The following ZNF391 variants were observed in gnomAD, a reference collection of about 807,000 sequenced individuals.
ZNF391 encodes zinc finger protein 391.
For synonymous variants in ZNF391, 126 were observed against 142.1 expected (o/e 0.89, Z 0.80); for missense variants, 375 against 425.5 (o/e 0.88, Z 1.04).
At chr6:27,387,939 T>G (rs1761610578), upstream of ZNF391, among the ~76,000 whole-genome samples, 1 of 152,386 alleles carries the variant, frequency 6.6e-6, no homozygotes, top group African/African-American at 2.4e-5. Flanking sequence ...AGACTTTATC[T>G]AATTCTTTCC....
intron 1 of ZNF391, among the ~76,000 whole-genome samples, chr6:27,381,236 G>A (rs896677640): frequency 9.2e-5 from 14 of 152,242 alleles, no homozygotes; most frequent in African/African-American, 3.1e-4. Context: ...AAGGCCCGGC[G>A]AGAAATCGAG....
At chr6:27,381,301 C>CTGGCCCGGGTGCTAAGCCCCTCA (rs1158418604) in intron 1 of ZNF391, among the ~76,000 whole-genome samples, 52 of 152,382 alleles carry the variant, frequency 3.4e-4, no homozygotes, top group African/African-American at 1.2e-3. Context: ...TCCGCAGCCG[C>CTGGCCCGGGTGCTAAGCCCCTCA]TGGCCCGGGT....
intron 1 of ZNF391, among the ~76,000 whole-genome samples, chr6:27,392,730 T>C (rs1183499501): frequency 6.6e-6 from 1 of 152,248 alleles, no homozygotes; most frequent in African/African-American, 2.4e-5. Flanking sequence ...TACAGGCCGC[T>C]AAACAGAAAG....
Position 27,400,987 on chromosome 6 carries a change from C to T in ZNF391, c.617C>T (p.Thr206Ile). 1 of 1,614,196 alleles carries T rather than the reference C, an allele frequency of 6.2e-7. No individual in the cohort carries two copies. The highest frequency in any genetic ancestry group is 8.5e-7 in the Non-Finnish European group (1 of 1,180,032). ...SECGKAFSRS[T>I]NLSQHQRTHT... The stretch of plus-strand genomic sequence containing the variant: ...TGTGGAAAAGCCTTTAGCCGAAGCA[C>T]TAACCTTAGTCAGCATCAGCGAACT... Residue 206 changes from threonine (T) to isoleucine (I), a missense_variant, in exon 3 of 3, where the codon ACT becomes ATT. Coordinates refer to ENST00000244576, the MANE Select transcript of ZNF391 (RefSeq NM_001076781.3).
chr6:27,391,489 A>T (rs72843151), intron 1 of ZNF391, among the ~76,000 whole-genome samples: 1 of 151,970 alleles, frequency 6.6e-6, no homozygotes. Context: ...CTTAATCCTT[A>T]GGGTTGCATT....
intron 1 of ZNF391, among the ~76,000 whole-genome samples, chr6:27,393,124 T>C (rs1043708717): frequency 6.6e-6 from 1 of 152,252 alleles, no homozygotes; most frequent in African/African-American, 2.4e-5. Flanking sequence ...GTTGTATATA[T>C]AATGAGCTTA....
In ZNF391 at chr6:27,400,613, T is replaced by C; in HGVS notation, c.243T>C (p.His81=). The C allele has an allele frequency of 1.2e-6, 2 of 1,614,174 alleles. No individual in the cohort carries two copies. Among genetic ancestry groups the C allele is most frequent in the Non-Finnish European group, 1.7e-6 (2 of 1,180,026 alleles). The part of the protein sequence containing the change: ...LDAQQKIPKG[H]GSPISRKNSK... ...CACAACAGAAAATTCCAAAGGGACA[T>C]GGATCCCCAATATCTAGGAAAAACT... Residue 81 remains histidine, a synonymous_variant, in exon 3 of 3, where the codon CAT becomes CAC. Coordinates refer to ENST00000244576, the MANE Select transcript of ZNF391 (RefSeq NM_001076781.3).
chr6:27,401,170 A>T lies in ZNF391; in HGVS notation c.800A>T (p.His267Leu), dbSNP rs755045859. ...AFSWISSLTE[H>L]QRTHTGENPY... ...AGTTGGATCTCATCGCTTACTGAAC[A>T]TCAGAGAACACACACTGGGGAGAAC... Residue 267 changes from histidine (H) to leucine (L), a missense_variant, in exon 3 of 3, where the codon CAT becomes CTT. Coordinates refer to ENST00000244576, the MANE Select transcript of ZNF391 (RefSeq NM_001076781.3). The T allele has an allele frequency of 6.2e-7, 1 of 1,614,242 alleles. No individual in the cohort carries two copies. The highest frequency in any genetic ancestry group is 1.1e-5 in the South Asian group (1 of 91,082).
chr6:27,377,430 G>A (rs576545306), intron 1 of ZNF391, among the ~76,000 whole-genome samples: 1 of 152,286 alleles, frequency 6.6e-6, no homozygotes, highest in East Asian at 1.9e-4. Context: ...GGGCAAACCT[G>A]CTTCCCATTC....
At chr6:27,383,790 G>A (rs1345016813), upstream of ZNF391, among the ~76,000 whole-genome samples, 1 of 152,064 alleles carries the variant, frequency 6.6e-6, no homozygotes, top group African/African-American at 2.4e-5. Flanking sequence ...CAAACATTTA[G>A]TCCAGAACAC....
chr6:27,375,423 A>G (rs1376997696), intron 1 of ZNF391, among the ~76,000 whole-genome samples: 1 of 152,232 alleles, frequency 6.6e-6, no homozygotes, highest in Non-Finnish European at 1.5e-5. Context: ...TGTATGCAGT[A>G]AAGTTCCTCT....
In ZNF391 at chr6:27,401,200, A is replaced by C; in HGVS notation, c.830A>C (p.Tyr277Ser). 6.2e-7 allele frequency: 1 copy of C among 1,614,186 alleles called. No homozygotes were observed. The highest frequency in any genetic ancestry group is 8.5e-7 in the Non-Finnish European group (1 of 1,180,012). Residue 277 changes from tyrosine to serine, a missense_variant, in exon 3 of 3, where the codon TAT (tyrosine) becomes TCT (serine). Tyr to Ser is a moderately radical substitution (Grantham distance 144). Transcript: ENST00000244576. ...AGAACACACACTGGGGAGAACCCCTATGAGTGCAGTGAATGTGGGAAAGTG... is the reference window on the plus strand; with the variant it reads ...AGAACACACACTGGGGAGAACCCCTCTGAGTGCAGTGAATGTGGGAAAGTG... The part of the protein sequence containing the change: ...HQRTHTGENP[Y>S]ECSECGKVFS...
At position 27,378,682 on chromosome 6, in the gene ZNF391, G is replaced by T. The variant is rs535147763; in HGVS notation, n.523+3545G>T. Among the ~76,000 whole-genome samples the T allele has an allele frequency of 5.3e-5, 8 of 152,274 alleles. No individual in the cohort carries two copies. The South Asian group carries it at 1.7e-3, about 32-fold the overall frequency. On this transcript the variant is annotated intron_variant and non_coding_transcript_variant, in intron 1 of 2. Coordinates refer to the ZNF391 transcript ENST00000477999. ...TATACGTGCAGGTCACAGGGGATGC[G>T]ATGGCTTAGCTTGGGCTCAGAGGCC...
chr6:27,398,815 C>T (rs931993751), intron 1 of ZNF391, among the ~76,000 whole-genome samples: 5 of 152,014 alleles, frequency 3.3e-5, no homozygotes, highest in East Asian at 1.9e-4. Flanking sequence ...GCCGAGATCG[C>T]GCCATTGCAC....
chr6:27,378,184 A>G (rs1421231515), intron 1 of ZNF391, among the ~76,000 whole-genome samples: 1 of 152,092 alleles, frequency 6.6e-6, no homozygotes, highest in Non-Finnish European at 1.5e-5. Context: ...CTGAGTAAAA[A>G]CCACCCCCAG....
intron 1 of ZNF391, chr6:27,395,118 A>G (rs889276638): frequency 6.6e-6 from 1 of 152,152 alleles, no homozygotes; most frequent in African/African-American, 2.4e-5. Flanking sequence ...GGGACTATTG[A>G]GCAGTCCCCT....
At position 27,401,076 on chromosome 6, in the gene ZNF391, A is replaced by C. The variant is rs756223541; in HGVS notation, c.706A>C (p.Ile236Leu). 4 of 1,614,170 alleles carry C rather than the reference A, an allele frequency of 2.5e-6. No homozygotes were observed. In the Admixed American group the frequency reaches 6.7e-5, roughly 27 times the overall value. The change falls in exon 3 of 3, where the codon ATA becomes CTA. Residue 236 changes from isoleucine to leucine, a missense_variant. Physicochemically the swap from Ile to Leu is conservative, Grantham distance 5. Coordinates refer to ENST00000244576, the MANE Select transcript of ZNF391 (RefSeq NM_001076781.3). ...GAAAGCCTTCGGTGACCGTTCAACC[A>C]TAATTCAGCATCAACGAATACACAC... ...CGKAFGDRST[I>L]IQHQRIHTGE...
intron 1 of ZNF391, among the ~76,000 whole-genome samples, chr6:27,389,892 A>G (rs71559025): frequency 0.27 from 40,804 of 151,944 alleles, 6,830 homozygotes; most frequent in East Asian, 0.43. Context: ...TGAATAAAGT[A>G]GTTGTTAATT....
intron 2 of ZNF391, 95 bp from the exon 3 acceptor site, chr6:27,400,198 C>T: frequency 1.8e-6 from 1 of 544,104 alleles, no homozygotes; most frequent in South Asian, 3.9e-5. Flanking sequence ...TGCTAGTATG[C>T]ATGAATTCAA....
Sources: allele counts gnomAD v4.1 joint callset (sites outside exome capture counted in the v4.1 genomes callset), GRCh38; gene constraint gnomAD v4.1.1; transcripts MANE v1.5; gene names NCBI Gene and HGNC (gene_info 2026-07-23, HGNC 2026-07-21).